The following PSD3 variants were observed in gnomAD, a reference collection of about 807,000 sequenced individuals.
PSD3 encodes the protein pleckstrin and Sec7 domain containing 3.
In PSD3, 49 loss-of-function variants were observed where a neutral mutation model predicts 105.5. That is an observed-to-expected ratio of 0.46 (90% CI 0.37 to 0.59). The LOEUF is 0.59. Among genes scored for constraint, PSD3 ranks in the 20% least tolerant of loss-of-function variants. PSD3 has a pLI of 0.00. For missense variants in PSD3, 1,561 were observed against 1,263.8 expected (o/e 1.24, Z -3.57); for synonymous variants, 557 against 457.8 (o/e 1.22, Z -2.77).
At chr8:18,615,668 T>C (rs918567214) in intron 11 of PSD3, among the ~76,000 whole-genome samples, 5 of 152,200 alleles carry the variant, frequency 3.3e-5, no homozygotes, top group Non-Finnish European at 5.9e-5. Flanking sequence ...TCTAGACCTT[T>C]TTACATACCT....
intron 15 of PSD3, among the ~76,000 whole-genome samples, chr8:18,543,926 C>T (rs1198544680): frequency 1.3e-5 from 2 of 151,994 alleles, no homozygotes; most frequent in Non-Finnish European, 2.9e-5. Context: ...TACATGAATA[C>T]GATAGTAACA....
chr8:18,818,694 C>G (rs896499118), intron 4 of PSD3, among the ~76,000 whole-genome samples: 3 of 151,742 alleles, frequency 2.0e-5, no homozygotes, highest in Non-Finnish European at 4.4e-5. Context: ...CCCCCCCCAA[C>G]AACCAGCAAA....
intron 8 of PSD3, 95 bp downstream of exon 8, chr8:18,799,200 G>A (rs1265641303): frequency 1.4e-5 from 16 of 1,103,516 alleles, no homozygotes; most frequent in Middle Eastern, 2.0e-4. Flanking sequence ...TGTAGAGAAT[G>A]GGAAACGGGG....
chr8:18,684,240 ACACACACACACC>A (rs1252929457), intron 9 of PSD3: 5 of 205,874 alleles, frequency 2.4e-5, no homozygotes, highest in Non-Finnish European at 4.9e-5. Flanking sequence ...ACACACACAC[ACACACACACACC>A]CCATCATATT....
chr8:18,722,114 G>A (rs1803017638), intron 9 of PSD3, among the ~76,000 whole-genome samples: 2 of 151,510 alleles, frequency 1.3e-5, no homozygotes, highest in Non-Finnish European at 2.9e-5. Flanking sequence ...CCCAGCTGCG[G>A]TATTGAACTT....
At chr8:18,765,312 G>A (rs948405119) in intron 9 of PSD3, 137 bp downstream of exon 9, 2 of 713,196 alleles carry the variant, frequency 2.8e-6, no homozygotes, top group African/African-American at 3.6e-5. Flanking sequence ...CAAGGACAAG[G>A]CTTAAAAGAA....
At chr8:18,821,334 T>C (rs943750526) in intron 4 of PSD3, among the ~76,000 whole-genome samples, 1 of 152,078 alleles carries the variant, frequency 6.6e-6, no homozygotes, top group African/African-American at 2.4e-5. Flanking sequence ...CTGCTATTAT[T>C]AGAGACTAAG....
At chr8:18,592,500 C>T (rs60286119) in intron 12 of PSD3, among the ~76,000 whole-genome samples, 31,673 of 151,984 alleles carry the variant, frequency 0.21, 3,873 homozygotes, top group Middle Eastern at 0.28. Flanking sequence ...CATCCAGATT[C>T]GAGAAGCCTA....
chr8:19,064,793 A>G (rs1563540021), intron 1 of PSD3, among the ~76,000 whole-genome samples: 1 of 151,530 alleles, frequency 6.6e-6, no homozygotes, highest in South Asian at 2.1e-4. Context: ...TGGTCCAAAC[A>G]TGAAATGCCA....
At chr8:18,640,588 C>T (rs1807573224) in intron 10 of PSD3, among the ~76,000 whole-genome samples, 1 of 152,180 alleles carries the variant, frequency 6.6e-6, no homozygotes, top group Non-Finnish European at 1.5e-5. Context: ...GTTTCCTTCC[C>T]CTTCTGCCAT....
At chr8:19,041,898 AC>A (rs1178303962) in intron 1 of PSD3, among the ~76,000 whole-genome samples, 3 of 152,252 alleles carry the variant, frequency 2.0e-5, no homozygotes, top group African/African-American at 7.2e-5. Context: ...GAATGAAGGA[AC>A]ATATTTGAAA....
intron 15 of PSD3, among the ~76,000 whole-genome samples, chr8:18,538,435 G>T (rs1010411): frequency 0.84 from 128,127 of 152,142 alleles, 54,761 homozygotes; most frequent in East Asian, 0.95. Flanking sequence ...GATTCTAAAC[G>T]CCTCTTCATT....
chr8:18,788,653 T>G (rs577961551), intron 8 of PSD3, among the ~76,000 whole-genome samples: 2 of 152,180 alleles, frequency 1.3e-5, no homozygotes, highest in Non-Finnish European at 2.9e-5. Flanking sequence ...TTGGAGAAAC[T>G]AAAAGCCCTC....
At chr8:18,757,995 A>G (rs939120047) in intron 9 of PSD3, among the ~76,000 whole-genome samples, 1 of 151,842 alleles carries the variant, frequency 6.6e-6, no homozygotes, top group African/African-American at 2.4e-5. Context: ...TTTTTTTTAG[A>G]GTGGACTTGT....
chr8:18,921,460 G>T (rs892541164), intron 2 of PSD3, among the ~76,000 whole-genome samples: 2 of 152,230 alleles, frequency 1.3e-5, no homozygotes, highest in African/African-American at 4.8e-5. Context: ...GTTAAGTAGA[G>T]CCTAGGAAGC....
chr8:18,818,412 G>A (rs745651668), intron 4 of PSD3, among the ~76,000 whole-genome samples: 4 of 151,462 alleles, frequency 2.6e-5, no homozygotes, highest in South Asian at 2.1e-4. Context: ...TCACACTAGC[G>A]CCTCCTAGAA....
intron 9 of PSD3, among the ~76,000 whole-genome samples, chr8:18,763,475 C>A (rs1363201993): frequency 6.6e-6 from 1 of 151,952 alleles, no homozygotes; most frequent in African/African-American, 2.4e-5. Context: ...AATATTTTCC[C>A]CCAGAATTCA....
chr8:18,708,871 C>G (rs1802062523), intron 9 of PSD3, among the ~76,000 whole-genome samples: 2 of 152,056 alleles, frequency 1.3e-5, no homozygotes, highest in African/African-American at 4.8e-5. Context: ...AACCTGAGAG[C>G]CACACGGGGT....
At chr8:18,904,248 C>T (rs1819695000) in intron 2 of PSD3, among the ~76,000 whole-genome samples, 1 of 152,138 alleles carries the variant, frequency 6.6e-6, no homozygotes, top group Admixed American at 6.5e-5. Context: ...AGAGTGAGAA[C>T]TACTCATTAC....
Sources: gnomAD v4.1 joint callset for allele counts (sites outside exome capture counted in the v4.1 genomes callset) on GRCh38, gnomAD v4.1.1 for gene constraint, MANE v1.5 for transcripts, NCBI Gene and HGNC (gene_info 2026-07-23, HGNC 2026-07-21) for gene names.